DHX15: variants seen among roughly 807,000 people sequenced by gnomAD.
DHX15 encodes the protein DEAH-box helicase 15.
Under a neutral mutation model 94.4 loss-of-function variants are expected in DHX15, and 11 were observed. That is an observed-to-expected ratio of 0.12 (90% CI 0.07 to 0.19). The LOEUF (loss-of-function observed/expected upper bound fraction) is 0.19. Ranked by LOEUF, DHX15 falls within the 10% of genes least tolerant of loss-of-function variation. The pLI is 1.00. For synonymous variants in DHX15, 338 were observed against 329.9 expected (o/e 1.02, Z -0.27); for missense variants, 304 against 988.5 (o/e 0.31, Z 9.29).
chr4:24,547,893 G>C (rs1300037475), intron 6 of DHX15, among the ~76,000 whole-genome samples: 1 of 66,736 alleles, frequency 1.5e-5, no homozygotes, highest in Admixed American at 1.3e-4. Flanking sequence ...CTCTCTCTAT[G>C]TATGTATGTG....
At chr4:24,574,041 CAAAA>C (rs10567935) in intron 2 of DHX15, among the ~76,000 whole-genome samples, 2 of 127,776 alleles carry the variant, frequency 1.6e-5, no homozygotes, top group African/African-American at 2.9e-5. Flanking sequence ...ATTAAAAATA[CAAAA>C]AAAAAAAAAA....
chr4:24,529,774 A>C lies in DHX15; in HGVS notation c.2101-4T>G. 6.2e-7 allele frequency: 1 copy of C among 1,614,142 alleles called. No individual in the cohort carries two copies. Reference sequence around the variant, plus strand: ...CTGTTCGTTCTAAATGTGCCACCTGAAACCAAAACCCAGTATATTATTAAT... The same window carrying C: ...CTGTTCGTTCTAAATGTGCCACCTGCAACCAAAACCCAGTATATTATTAAT... On this transcript the variant is annotated splice_polypyrimidine_tract_variant and splice_region_variant and intron_variant, in intron 12 of 13. Coordinates refer to ENST00000336812, the MANE Select transcript of DHX15 (RefSeq NM_001358.3).
intron 3 of DHX15, among the ~76,000 whole-genome samples, chr4:24,559,963 GAGTA>G (rs1721830265): frequency 1.3e-5 from 2 of 152,132 alleles, no homozygotes; most frequent in African/African-American, 4.8e-5. Context: ...AACATCCTTG[GAGTA>G]AGTAACAGTT....
chr4:24,579,681 T>C (rs541442640), intron 1 of DHX15, among the ~76,000 whole-genome samples: 4 of 152,360 alleles, frequency 2.6e-5, no homozygotes, highest in African/African-American at 7.2e-5. Flanking sequence ...TTGTAGAGTA[T>C]AGATAGGATT....
At chr4:24,549,784 G>A (rs1577339283) in intron 5 of DHX15, among the ~76,000 whole-genome samples, 1 of 151,970 alleles carries the variant, frequency 6.6e-6, no homozygotes, top group South Asian at 2.1e-4. Flanking sequence ...AAAAGGCATG[G>A]CAAAAATATG....
intron 6 of DHX15, among the ~76,000 whole-genome samples, chr4:24,547,122 G>A (rs1316012635): frequency 6.6e-6 from 1 of 152,190 alleles, no homozygotes; most frequent in East Asian, 1.9e-4. Context: ...CCCTAGGACT[G>A]TCCAGGGAAG....
Position 24,550,289 on chromosome 4 carries a change from T to C in DHX15, c.1081-1267A>G, listed in dbSNP as rs146859034. 5.1e-4 allele frequency among the ~76,000 whole-genome samples: 77 copies of C among 151,926 alleles called. 1 individual carries two copies. The East Asian group carries it at 0.013, about 26-fold the overall frequency. On this transcript the variant is annotated intron_variant, in intron 5 of 13. Transcript: ENST00000336812. ...GTACATTTTGGCGATACAAAATTTA[T>C]AAAAAAATGTATTTTCTTTTTTTTG...
chr4:24,573,059 C>T (rs567041432), intron 2 of DHX15, among the ~76,000 whole-genome samples: 24 of 152,152 alleles, frequency 1.6e-4, no homozygotes, highest in East Asian at 7.7e-4. Flanking sequence ...TACAGGTGTG[C>T]GCCACCACGC....
At chr4:24,534,010 AAT>A (rs1374723372) in intron 11 of DHX15, 1 of 152,196 alleles carries the variant, frequency 6.6e-6, no homozygotes, top group African/African-American at 2.4e-5. Context: ...AGACATAACA[AAT>A]ATATAAGTAC....
At chr4:24,552,390 A>G (rs150364219) in intron 5 of DHX15, among the ~76,000 whole-genome samples, 1 of 152,362 alleles carries the variant, frequency 6.6e-6, no homozygotes, top group Admixed American at 6.5e-5. Context: ...TTTAATTACA[A>G]TCACTCTTAT....
intron 5 of DHX15, among the ~76,000 whole-genome samples, chr4:24,552,827 G>A (rs1721636798): frequency 6.6e-6 from 1 of 152,172 alleles, no homozygotes; most frequent in South Asian, 2.1e-4. Context: ...TTTCATGAAA[G>A]ACACTCTAGC....
At chr4:24,565,380 A>G (rs1297780119) in intron 3 of DHX15, among the ~76,000 whole-genome samples, 1 of 152,252 alleles carries the variant, frequency 6.6e-6, no homozygotes, top group Admixed American at 6.5e-5. Flanking sequence ...AGTGTTAAAT[A>G]ACCACATTTA....
intron 3 of DHX15, among the ~76,000 whole-genome samples, chr4:24,556,830 T>C (rs1210230795): frequency 6.6e-6 from 1 of 152,198 alleles, no homozygotes; most frequent in East Asian, 1.9e-4. Flanking sequence ...TGTTACCACA[T>C]GCAAATAAAC....
At chr4:24,539,460 G>A (rs954046038) in intron 10 of DHX15, among the ~76,000 whole-genome samples, 1 of 151,882 alleles carries the variant, frequency 6.6e-6, no homozygotes, top group African/African-American at 2.4e-5. Flanking sequence ...ACATTTTATT[G>A]TTACTAAAAA....
intron 3 of DHX15, among the ~76,000 whole-genome samples, chr4:24,563,848 G>A (rs915410665): frequency 1.3e-5 from 2 of 152,022 alleles, no homozygotes; most frequent in Non-Finnish European, 2.9e-5. Flanking sequence ...GGTGGATCAC[G>A]AGGTCAGGAG....
At chr4:24,566,194 C>T (rs1359526672) in intron 3 of DHX15, among the ~76,000 whole-genome samples, 1 of 151,942 alleles carries the variant, frequency 6.6e-6, no homozygotes, top group Non-Finnish European at 1.5e-5. Context: ...TACATACCAC[C>T]ACACCTGGCT....
Position 24,584,422 on chromosome 4 carries a change from A to C in DHX15, c.-29T>G. 6.2e-7 allele frequency: 1 copy of C among 1,605,134 alleles called. No homozygotes were observed. Among genetic ancestry groups the C allele is most frequent in the Non-Finnish European group, 8.5e-7 (1 of 1,176,134 alleles). Reference sequence around the variant, plus strand: ...CGCACTCTTCGAACGGGCAGTTATTAAGGAAGAAAGCTGGCTGCTGTATGG... The same window carrying C: ...CGCACTCTTCGAACGGGCAGTTATTCAGGAAGAAAGCTGGCTGCTGTATGG... On this transcript the variant is annotated 5_prime_UTR_variant, in exon 1 of 14. Coordinates refer to ENST00000336812, the MANE Select transcript of DHX15 (RefSeq NM_001358.3).
chr4:24,547,903 G>GTGTATATATATATATATA (rs1721469206), intron 6 of DHX15, among the ~76,000 whole-genome samples: 2 of 70,748 alleles, frequency 2.8e-5, no homozygotes, highest in African/African-American at 1.2e-4. Context: ...GTATGTATGT[G>GTGTATATATATATATATA]TATATATATA....
Position 24,557,828 on chromosome 4 carries a change from T to C in DHX15, c.702-1418A>G, listed in dbSNP as rs150838137. Among the ~76,000 whole-genome samples, 594 of 152,208 alleles carry C rather than the reference T, an allele frequency of 3.9e-3. 3 individuals are homozygous for C. Among genetic ancestry groups the C allele is most frequent in the African/African-American group, 0.013 (551 of 41,542 alleles). On this transcript the variant is annotated intron_variant, in intron 3 of 13. Transcript: ENST00000336812. ...TGAAATTTCTTTGATCTGAGGACGT[T>C]TGGTAATTTTTCCTGTCTTCCGATA...
Sources: gnomAD v4.1 joint callset for allele counts (sites outside exome capture counted in the v4.1 genomes callset) on GRCh38, gnomAD v4.1.1 for gene constraint, MANE v1.5 for transcripts, NCBI Gene and HGNC (gene_info 2026-07-23, HGNC 2026-07-21) for gene names.